The following PDE1C variants were observed in gnomAD, a reference collection of about 807,000 sequenced individuals.
PDE1C encodes the protein dual specificity calcium/calmodulin-dependent 3',5'-cyclic nucleotide phosphodiesterase 1C.
Under a neutral mutation model 93.1 loss-of-function variants are expected in PDE1C, and 62 were observed. The observed-to-expected ratio is 0.67, with a 90% CI of 0.54 to 0.82. The LOEUF (loss-of-function observed/expected upper bound fraction) is 0.82, where lower values mean the gene tolerates loss of function less well. PDE1C is among the 40% of genes least tolerant of loss of function. PDE1C has a pLI of 0.00. For synonymous variants in PDE1C, 325 were observed against 310.1 expected, an observed-to-expected ratio of 1.05 and a Z score of -0.50; for missense variants, 742 against 884.6, an observed-to-expected ratio of 0.84 and a Z score of 2.04.
At chr7:32,193,910 T>G (rs1438329161) in intron 2 of PDE1C, among the ~76,000 whole-genome samples, 2 of 123,026 alleles carry the variant, frequency 1.6e-5, no homozygotes, top group African/African-American at 2.9e-5. Flanking sequence ...TTTTTGGTTT[T>G]GTTTTGTTTT....
the PDE1C span, among the ~76,000 whole-genome samples, chr7:31,735,793 T>C: frequency 2.6e-5 from 4 of 152,172 alleles, no homozygotes; most frequent in African/African-American, 9.7e-5. Flanking sequence ...TAGATTATAA[T>C]TGCAGAAGTG....
At chr7:32,399,024 C>A (rs1784892953) in intron 1 of PDE1C, among the ~76,000 whole-genome samples, 1 of 152,110 alleles carries the variant, frequency 6.6e-6, no homozygotes, top group Non-Finnish European at 1.5e-5. Context: ...GGGGGAGGGG[C>A]CCTGATTTGT....
chr7:31,668,942 T>G, the PDE1C span, among the ~76,000 whole-genome samples: 1 of 152,148 alleles, frequency 6.6e-6, no homozygotes, highest in African/African-American at 2.4e-5. Flanking sequence ...GGAATGAATT[T>G]GCTTTATTTT....
chr7:31,629,692 A>G, the PDE1C span, among the ~76,000 whole-genome samples: 2 of 152,216 alleles, frequency 1.3e-5, no homozygotes. Context: ...GCATCCTCAT[A>G]TTAGATGCCA....
the PDE1C span, among the ~76,000 whole-genome samples, chr7:31,693,895 A>G: frequency 6.6e-6 from 1 of 152,226 alleles, no homozygotes; most frequent in Non-Finnish European, 1.5e-5. Context: ...ATTTCTCCAT[A>G]CTTATTCATA....
intron 7 of PDE1C, among the ~76,000 whole-genome samples, chr7:31,859,100 A>C (rs1794362682): frequency 6.8e-6 from 1 of 147,902 alleles, no homozygotes; most frequent in South Asian, 2.1e-4. Flanking sequence ...GGAAACTATC[A>C]TAATATATGA....
intron 15 of PDE1C, among the ~76,000 whole-genome samples, chr7:31,810,218 A>G (rs913443008): frequency 3.9e-5 from 6 of 152,096 alleles, no homozygotes; most frequent in African/African-American, 1.4e-4. Flanking sequence ...CTTATTTTCA[A>G]GTGTTGGATA....
chr7:31,925,872 T>G lies in PDE1C; in HGVS notation c.129-45012A>C, dbSNP rs190598913. ...AGTATTCATAAAATAATTAGGGGTT[T>G]GGCAAATATGCAAGTTGTGTCTGTC... On this transcript the variant is annotated intron_variant, in intron 2 of 17. Transcript: ENST00000396191. Among the ~76,000 whole-genome samples, 559 of 152,260 alleles carry G rather than the reference T, an allele frequency of 3.7e-3. 12 individuals carry two copies. Among genetic ancestry groups the G allele is most frequent in the East Asian group, 2.3e-3 (12 of 5,184 alleles).
At chr7:31,896,239 A>G (rs1030120635) in intron 2 of PDE1C, among the ~76,000 whole-genome samples, 6 of 152,116 alleles carry the variant, frequency 3.9e-5, no homozygotes, top group African/African-American at 1.4e-4. Context: ...TCCCTGCTGG[A>G]AGGGTGAAGG....
intron 3 of PDE1C, among the ~76,000 whole-genome samples, chr7:32,131,102 T>G (rs1381336595): frequency 1.3e-5 from 2 of 152,144 alleles, no homozygotes; most frequent in African/African-American, 4.8e-5. Flanking sequence ...TCATGGTTTC[T>G]CTACAAGAAC....
chr7:31,991,300 T>C (rs1052040323), intron 2 of PDE1C, among the ~76,000 whole-genome samples: 1 of 152,206 alleles, frequency 6.6e-6, no homozygotes, highest in African/African-American at 2.4e-5. Context: ...GCTCTGGTTC[T>C]GATGATGTAA....
chr7:31,755,732 G>A (rs1206688036), intron 17 of PDE1C, among the ~76,000 whole-genome samples: 2 of 152,192 alleles, frequency 1.3e-5, no homozygotes, highest in Non-Finnish European at 1.5e-5. Context: ...AAATATCCAT[G>A]AGTCCACACT....
intron 1 of PDE1C, among the ~76,000 whole-genome samples, chr7:32,413,504 A>C (rs1197374130): frequency 1.3e-5 from 2 of 152,206 alleles, no homozygotes; most frequent in Admixed American, 1.3e-4. Flanking sequence ...TTCCTCTTAC[A>C]CGCAGGACCC....
chr7:32,395,407 C>T (rs1214508121), intron 1 of PDE1C, among the ~76,000 whole-genome samples: 1 of 152,000 alleles, frequency 6.6e-6, no homozygotes, highest in African/African-American at 2.4e-5. Context: ...CAGATAGAGG[C>T]ATCAGCAGAG....
chr7:31,889,235 T>C (rs1798331276), intron 2 of PDE1C, among the ~76,000 whole-genome samples: 1 of 152,246 alleles, frequency 6.6e-6, no homozygotes, highest in African/African-American at 2.4e-5. Flanking sequence ...TATCAAGACT[T>C]ATTATAAAGC....
chr7:32,323,826 C>T (rs548016533), intron 1 of PDE1C, among the ~76,000 whole-genome samples: 4 of 152,246 alleles, frequency 2.6e-5, no homozygotes, highest in Admixed American at 2.0e-4. Flanking sequence ...CACTGAAATC[C>T]CCCACCCCAG....
downstream of PDE1C, among the ~76,000 whole-genome samples, chr7:31,746,823 A>G (rs1794017129): frequency 6.6e-6 from 1 of 152,106 alleles, no homozygotes; most frequent in East Asian, 1.9e-4. Flanking sequence ...AATTGAGAGG[A>G]CAGGGAAAAA....
At chr7:31,697,449 G>A in the PDE1C span, among the ~76,000 whole-genome samples, 4 of 152,146 alleles carry the variant, frequency 2.6e-5, no homozygotes, top group African/African-American at 4.8e-5. Flanking sequence ...CGGATTTTGC[G>A]TCTTATGGCT....
intron 1 of PDE1C, among the ~76,000 whole-genome samples, chr7:32,244,917 C>T (rs920894326): frequency 2.0e-5 from 3 of 152,146 alleles, no homozygotes; most frequent in Non-Finnish European, 4.4e-5. Flanking sequence ...CCTATCAGAG[C>T]GGTACTGGTT....
Sources: gnomAD v4.1 joint callset for allele counts (sites outside exome capture counted in the v4.1 genomes callset) on GRCh38, gnomAD v4.1.1 for gene constraint, MANE v1.5 for transcripts, NCBI Gene and HGNC (gene_info 2026-07-23, HGNC 2026-07-21) for gene names.